The following GTF2IRD1 variants were observed in gnomAD, a reference collection of about 807,000 sequenced individuals.
GTF2IRD1 encodes general transcription factor II-I repeat domain-containing protein 1.
A neutral mutation model predicts 113.2 loss-of-function variants in GTF2IRD1; 26 were observed. The observed-to-expected ratio is 0.23, with a 90% CI of 0.17 to 0.32. The LOEUF (loss-of-function observed/expected upper bound fraction) is 0.32, where lower values mean the gene tolerates loss of function less well. GTF2IRD1 is among the 10% of genes least tolerant of loss of function. The pLI, the probability that GTF2IRD1 is intolerant of heterozygous loss-of-function variation, is 1.00. For synonymous variants in GTF2IRD1, 484 were observed against 529.1 expected (o/e 0.91, Z 1.17); for missense variants, 864 against 1,280.8 (o/e 0.67, Z 4.97).
At chr7:74,506,056 A>G (rs1382540348) in intron 1 of GTF2IRD1, 1 of 152,240 alleles carries the variant, frequency 6.6e-6, no homozygotes, top group Non-Finnish European at 1.5e-5. Flanking sequence ...GTTTAAATCA[A>G]TATTTATCCA....
intron 1 of GTF2IRD1, among the ~76,000 whole-genome samples, chr7:74,474,780 C>T (rs1794308065): frequency 6.6e-6 from 1 of 152,148 alleles, no homozygotes; most frequent in Non-Finnish European, 1.5e-5. Flanking sequence ...AATGTCATCC[C>T]AGGCCCAGCT....
chr7:74,498,155 C>T lies in GTF2IRD1; in HGVS notation c.-6-9920C>T, dbSNP rs573007116. ...GGGAAAGGTTTACTCAAGTCATTTG[C>T]CTATTTTTTAATTGGATTATTATTA... On this transcript the variant is annotated intron_variant, in intron 1 of 26. Coordinates refer to ENST00000424337, the MANE Select transcript of GTF2IRD1 (RefSeq NM_005685.4). Among the ~76,000 whole-genome samples, 289 of 152,014 alleles carry T rather than the reference C, an allele frequency of 1.9e-3. 3 individuals carry two copies. Among genetic ancestry groups the T allele is most frequent in the South Asian group, 0.011 (52 of 4,818 alleles).
At chr7:74,475,475 C>T (rs1411746557) in intron 1 of GTF2IRD1, among the ~76,000 whole-genome samples, 1 of 152,154 alleles carries the variant, frequency 6.6e-6, no homozygotes, top group East Asian at 1.9e-4. Flanking sequence ...GGCCTGGCCT[C>T]ATGTACGTTC....
chr7:74,462,222 A>C (rs1377220951), intron 1 of GTF2IRD1, among the ~76,000 whole-genome samples: 2 of 152,040 alleles, frequency 1.3e-5, no homozygotes, highest in Non-Finnish European at 2.9e-5. Flanking sequence ...AAAAAAAATT[A>C]GCCGGGTGTG....
intron 25 of GTF2IRD1, among the ~76,000 whole-genome samples, chr7:74,598,300 A>T (rs1802543869): frequency 6.6e-6 from 1 of 151,938 alleles, no homozygotes; most frequent in Non-Finnish European, 1.5e-5. Flanking sequence ...GTTTACTCTC[A>T]GGTCAAAGGC....
intron 5 of GTF2IRD1, 83 bp downstream of exon 5, chr7:74,518,405 G>A (rs1797082376): frequency 1.1e-5 from 12 of 1,127,356 alleles, no homozygotes; most frequent in South Asian, 3.2e-5. Flanking sequence ...CACTTAGCCA[G>A]AGGGGAAGGG....
chr7:74,551,964 G>C (rs1799335138), intron 17 of GTF2IRD1, among the ~76,000 whole-genome samples: 1 of 152,058 alleles, frequency 6.6e-6, no homozygotes, highest in Non-Finnish European at 1.5e-5. Flanking sequence ...AATAAAGACT[G>C]TTGGGACAGA....
chr7:74,511,758 C>T (rs1235684191), intron 2 of GTF2IRD1, among the ~76,000 whole-genome samples: 1 of 152,172 alleles, frequency 6.6e-6, no homozygotes, highest in Non-Finnish European at 1.5e-5. Flanking sequence ...CTACCTGACT[C>T]AGATGAAAAC....
chr7:74,559,135 C>G (rs1799794010), intron 21 of GTF2IRD1, 91 bp downstream of exon 21: 2 of 1,208,064 alleles, frequency 1.7e-6, no homozygotes, highest in Non-Finnish European at 2.3e-6. Flanking sequence ...CTAGGTCCTG[C>G]CCTCCCCCCT....
intron 1 of GTF2IRD1, among the ~76,000 whole-genome samples, chr7:74,464,021 GC>G (rs1378950086): frequency 7.2e-5 from 11 of 152,300 alleles, no homozygotes; most frequent in African/African-American, 2.4e-4. Context: ...ACCGCGCCCT[GC>G]CCTAGGACCA....
intron 22 of GTF2IRD1, among the ~76,000 whole-genome samples, chr7:74,587,673 C>A (rs1554368258): frequency 6.6e-6 from 1 of 152,082 alleles, no homozygotes; most frequent in Non-Finnish European, 1.5e-5. Context: ...GCAATCCCAG[C>A]CCCGTCCTCA....
chr7:74,602,411 T>G lies in GTF2IRD1; in HGVS notation c.2813T>G (p.Leu938Arg), dbSNP rs782570464. Residue 938 changes from leucine (L) to arginine (R), a missense_variant, in exon 27 of 27, where the codon CTC (leucine) becomes CGC (arginine). Leu to Arg is a moderately radical substitution (Grantham distance 102, BLOSUM62 -2). This residue lies in a region of GTF2IRD1 where 18 missense variants were observed against 35.7 expected (regional missense o/e 0.50). Transcript: ENST00000424337. ...MVDYAGLNVQ[L>R]PGPLNY ...GACTATGCCGGCCTGAACGTGCAGC[T>G]CCCGGGACCTCTTAATTACTAGACC... The G allele has an allele frequency of 1.7e-5, 27 of 1,613,722 alleles. 1 individual carries two copies. The South Asian group carries it at 2.9e-4, about 17-fold the overall frequency.
intron 1 of GTF2IRD1, among the ~76,000 whole-genome samples, chr7:74,462,698 C>T (rs1316279915): frequency 6.6e-6 from 1 of 152,214 alleles, no homozygotes; most frequent in Non-Finnish European, 1.5e-5. Context: ...GGGCCTGTGG[C>T]CTGCACCCCA....
intron 1 of GTF2IRD1, among the ~76,000 whole-genome samples, chr7:74,481,018 C>T (rs1554334543): frequency 1.3e-5 from 2 of 152,344 alleles, no homozygotes; most frequent in Non-Finnish European, 2.9e-5. Flanking sequence ...CCTCACTTCC[C>T]CTTGGAAGGC....
At chr7:74,521,446 A>G (rs1797290038) in intron 7 of GTF2IRD1, 149 bp downstream of exon 7, 1 of 654,188 alleles carries the variant, frequency 1.5e-6, no homozygotes, top group African/African-American at 1.8e-5. Flanking sequence ...CTGGGGTGTA[A>G]TAGTTATCTA....
Position 74,524,054 on chromosome 7 carries a change from C to T in GTF2IRD1, c.1007-17C>T, listed in dbSNP as rs1554346635. On this transcript the variant is annotated splice_polypyrimidine_tract_variant and intron_variant, in intron 7 of 26. Transcript: ENST00000424337. ...CCCGTGGGGCCCTGCTCACTTGTGCCTCCTGTGTTTTGATAGAGAAGTGGG... is the reference window on the plus strand; with the variant it reads ...CCCGTGGGGCCCTGCTCACTTGTGCTTCCTGTGTTTTGATAGAGAAGTGGG... The T allele has an allele frequency of 6.3e-7, 1 of 1,585,322 alleles. No individual in the cohort carries two copies. The highest frequency in any genetic ancestry group is 1.3e-5 in the African/African-American group (1 of 74,400).
intron 17 of GTF2IRD1, among the ~76,000 whole-genome samples, chr7:74,551,400 A>G (rs1799298469): frequency 6.6e-6 from 1 of 152,198 alleles, no homozygotes; most frequent in African/African-American, 2.4e-5. Flanking sequence ...AAACAAACTA[A>G]AAAACCATCC....
At chr7:74,461,712 G>C (rs1793378133) in intron 1 of GTF2IRD1, among the ~76,000 whole-genome samples, 1 of 152,098 alleles carries the variant, frequency 6.6e-6, no homozygotes, top group Non-Finnish European at 1.5e-5. Flanking sequence ...CTGAGTAGCT[G>C]GGATTATGGG....
intron 22 of GTF2IRD1, among the ~76,000 whole-genome samples, chr7:74,573,356 C>T (rs1236291856): frequency 2.0e-5 from 3 of 151,286 alleles, no homozygotes; most frequent in South Asian, 2.1e-4. Context: ...GAGCCGTGAT[C>T]GTGCCACTGC....
Sources: allele counts gnomAD v4.1 joint callset (sites outside exome capture counted in the v4.1 genomes callset), GRCh38; gene constraint gnomAD v4.1.1; regional missense constraint gnomAD v4.1.1; transcripts MANE v1.5; gene names NCBI Gene and HGNC (gene_info 2026-07-23, HGNC 2026-07-21).